The following SMARCAD1 variants were observed in gnomAD, a reference collection of about 807,000 sequenced individuals.
The protein encoded by SMARCAD1 is SWI/SNF-related matrix-associated actin-dependent regulator of chromatin subfamily A containing DEAD/H box 1.
SMARCAD1 carries 25 observed loss-of-function variants against 127.1 expected under a neutral mutation model. The observed-to-expected ratio is 0.20, with a 90% CI of 0.14 to 0.27. SMARCAD1 has a LOEUF of 0.27. SMARCAD1 is among the 10% of genes least tolerant of loss of function. SMARCAD1 has a pLI of 1.00. For missense variants in SMARCAD1, 807 were observed against 1,206.0 expected, an observed-to-expected ratio of 0.67 and a Z score of 4.90; for synonymous variants, 400 against 396.9, an observed-to-expected ratio of 1.01 and a Z score of -0.09.
In SMARCAD1 at chr4:94,280,633, A is replaced by G; in HGVS notation, c.2460A>G (p.Glu820=). Residue 820 remains glutamate, a synonymous_variant, in exon 20 of 24, where the codon GAA becomes GAG. Transcript: ENST00000354268. Reference sequence around the variant, plus strand: ...AGGCTAACCCTGACCTGATCTTTGAAGATATGGAAGTTATGACAGACTTCG... The same window carrying G: ...AGGCTAACCCTGACCTGATCTTTGAGGATATGGAAGTTATGACAGACTTCG... The part of the protein sequence containing the change: ...HCEANPDLIF[E]DMEVMTDFEL... 1 of 1,613,790 alleles carries G rather than the reference A, an allele frequency of 6.2e-7. No individual in the cohort carries two copies. The highest frequency in any genetic ancestry group is 8.5e-7 in the Non-Finnish European group (1 of 1,179,874).
Position 94,290,370 on chromosome 4 carries a change from T to C in SMARCAD1, c.*836T>C. The C allele has an allele frequency of 2.2e-6, 1 of 454,510 alleles. No homozygotes were observed. Among genetic ancestry groups the C allele is most frequent in the Non-Finnish European group, 4.4e-6 (1 of 226,762 alleles). The allele number at this position is 454,510 out of a possible 1,614,324, so 28.2% of individuals were successfully genotyped here. A position where few individuals can be genotyped will look rare whatever the true frequency, so the allele number is the denominator to read the frequency against. ...TCCAATTCTCTTCCTCTCTAAATAG[T>C]AGTTTATTACTGCCACATCTCCATG... On this transcript the variant is annotated 3_prime_UTR_variant, in exon 24 of 24. Transcript: ENST00000354268.
At chr4:94,276,950 A>G in intron 15 of SMARCAD1, 72 bp from the exon 16 acceptor site, 6 of 1,500,730 alleles carry the variant, frequency 4.0e-6, no homozygotes, top group Non-Finnish European at 5.6e-6. Context: ...TTCACCTTTC[A>G]CTGGGGAGGA....
In SMARCAD1 at chr4:94,289,706, C is replaced by T; in HGVS notation, c.*172C>T. On this transcript the variant is annotated 3_prime_UTR_variant, in exon 24 of 24. Transcript: ENST00000354268. ...TGCCACTAACTGAATTCTCCAAATACTCACACGTGAAATTTCAAAAAAGAA... is the reference window on the plus strand; with the variant it reads ...TGCCACTAACTGAATTCTCCAAATATTCACACGTGAAATTTCAAAAAAGAA... 2.9e-6 allele frequency: 2 copies of T among 684,186 alleles called. No homozygotes were observed. Among genetic ancestry groups the T allele is most frequent in the Admixed American group, 2.0e-5 (1 of 48,878 alleles). 42.4% of individuals were successfully genotyped at this position (684,186 alleles called of 1,614,324 possible). A position where few individuals can be genotyped will look rare whatever the true frequency, so the allele number is the denominator to read the frequency against.
Position 94,249,752 on chromosome 4 carries a change from AC to A in SMARCAD1, c.805del (p.Gln269ArgfsTer18). ...AAAAGGAATTTCCCAATTTTGATAA[AC>A]AGGTGAGTAGTCGTGTATGAAAATT... Reference protein sequence around the residue: ...LQKEFPNFDKQELREVLKEHE... With the variant: ...LQKEFPNFDKXELREVLKEHE... On this transcript the variant is annotated frameshift_variant and splice_region_variant, in exon 7 of 24. Coordinates refer to ENST00000354268, the MANE Select transcript of SMARCAD1 (RefSeq NM_020159.5). LOFTEE classifies it high-confidence loss of function. 1 of 1,553,322 alleles carries A rather than the reference AC, an allele frequency of 6.4e-7. No individual in the cohort carries two copies. The highest frequency in any genetic ancestry group is 8.9e-7 in the Non-Finnish European group (1 of 1,125,186).
At chr4:94,267,237 A>AGTGAT (rs1751863259) in intron 10 of SMARCAD1, among the ~76,000 whole-genome samples, 1 of 152,178 alleles carries the variant, frequency 6.6e-6, no homozygotes, top group African/African-American at 2.4e-5. Context: ...ACCCTTTGTC[A>AGTGAT]GTGATGTGAA....
At chr4:94,215,861 C>G (rs1461113689) in intron 2 of SMARCAD1, among the ~76,000 whole-genome samples, 1 of 151,956 alleles carries the variant, frequency 6.6e-6, no homozygotes, top group Non-Finnish European at 1.5e-5. Context: ...AATTTACTAG[C>G]CATTTGGATT....
chr4:94,211,812 A>G (rs752611866), intron 2 of SMARCAD1, among the ~76,000 whole-genome samples: 10 of 152,124 alleles, frequency 6.6e-5, no homozygotes, highest in Middle Eastern at 3.2e-3. Flanking sequence ...GCTTTGTTTC[A>G]TTAAATCTCA....
chr4:94,242,113 A>C (rs1363018596), intron 6 of SMARCAD1, among the ~76,000 whole-genome samples: 1 of 151,868 alleles, frequency 6.6e-6, no homozygotes, highest in East Asian at 1.9e-4. Context: ...GGCTCACTGC[A>C]ACCTCCACTT....
chr4:94,259,878 C>A (rs1750695061), intron 9 of SMARCAD1, among the ~76,000 whole-genome samples: 1 of 152,112 alleles, frequency 6.6e-6, no homozygotes, highest in Non-Finnish European at 1.5e-5. Context: ...GTCTTAATAT[C>A]AAAATATTCA....
intron 22 of SMARCAD1, among the ~76,000 whole-genome samples, chr4:94,284,393 G>T (rs962919074): frequency 7.0e-6 from 1 of 142,800 alleles, no homozygotes; most frequent in Admixed American, 7.1e-5. Context: ...ACTGTTTGTT[G>T]TAATGTAGTT....
At chr4:94,262,824 C>T (rs183482744) in intron 9 of SMARCAD1, among the ~76,000 whole-genome samples, 20 of 146,544 alleles carry the variant, frequency 1.4e-4, no homozygotes, top group African/African-American at 3.0e-4. Context: ...TCCCAATGTT[C>T]GTAGACCACA....
intron 9 of SMARCAD1, among the ~76,000 whole-genome samples, chr4:94,257,070 T>G (rs947714353): frequency 6.6e-6 from 1 of 151,322 alleles, no homozygotes; most frequent in Admixed American, 6.6e-5. Context: ...ATGCTGACTG[T>G]TTTTGAAAGA....
At chr4:94,258,352 A>G (rs907519216) in intron 9 of SMARCAD1, among the ~76,000 whole-genome samples, 1 of 151,970 alleles carries the variant, frequency 6.6e-6, no homozygotes, top group East Asian at 1.9e-4. Context: ...ACGGAGTTTC[A>G]TGATGTTGGC....
At chr4:94,276,706 T>G (rs1275256170) in intron 15 of SMARCAD1, among the ~76,000 whole-genome samples, 1 of 152,078 alleles carries the variant, frequency 6.6e-6, no homozygotes, top group East Asian at 1.9e-4. Context: ...CTTTAAAAAA[T>G]TATTAGGTCA....
intron 11 of SMARCAD1, among the ~76,000 whole-genome samples, chr4:94,272,520 C>T (rs1452264008): frequency 1.3e-5 from 2 of 152,184 alleles, no homozygotes; most frequent in African/African-American, 4.8e-5. Flanking sequence ...ATGCTTTTTT[C>T]CAGTTACTGC....
intron 15 of SMARCAD1, among the ~76,000 whole-genome samples, 176 bp from the exon 16 acceptor site, chr4:94,276,846 G>A (rs1476930967): frequency 6.6e-6 from 1 of 152,164 alleles, no homozygotes; most frequent in Non-Finnish European, 1.5e-5. Context: ...ATTCATTGCT[G>A]TTGATAATAG....
At chr4:94,228,343 C>G (rs1273525450) in intron 3 of SMARCAD1, among the ~76,000 whole-genome samples, 3 of 152,170 alleles carry the variant, frequency 2.0e-5, no homozygotes, top group Non-Finnish European at 4.4e-5. Context: ...TCTTCGTAAA[C>G]AGCAATTACA....
At chr4:94,217,558 T>C (rs941355239) in intron 2 of SMARCAD1, among the ~76,000 whole-genome samples, 3 of 152,208 alleles carry the variant, frequency 2.0e-5, no homozygotes, top group African/African-American at 7.2e-5. Flanking sequence ...ATATTTTTGT[T>C]AACATTTACT....
At chr4:94,222,699 A>C (rs569345749) in intron 2 of SMARCAD1, among the ~76,000 whole-genome samples, 1 of 152,302 alleles carries the variant, frequency 6.6e-6, no homozygotes, top group Admixed American at 6.5e-5. Context: ...TTGGTGGCTC[A>C]CACCTGTAAT....
Sources: gnomAD v4.1 joint callset for allele counts (sites outside exome capture counted in the v4.1 genomes callset) on GRCh38, gnomAD v4.1.1 for gene constraint, MANE v1.5 for transcripts, NCBI Gene and HGNC (gene_info 2026-07-23, HGNC 2026-07-21) for gene names.